The following MYOM1 variants were observed in gnomAD, a reference collection of about 807,000 sequenced individuals.
MYOM1 encodes myomesin-1.
In MYOM1, 164 loss-of-function variants were observed where a neutral mutation model predicts 205.3. The ratio of observed to expected loss-of-function variants is 0.80; its 90% CI spans 0.70 to 0.91. The LOEUF is 0.91. Ranked by LOEUF, MYOM1 falls within the 40% of genes least tolerant of loss-of-function variation. MYOM1 has a pLI of 0.00. For missense variants in MYOM1, 2,011 were observed against 2,127.3 expected, an observed-to-expected ratio of 0.95 and a Z score of 1.08; for synonymous variants, 772 against 789.4, an observed-to-expected ratio of 0.98 and a Z score of 0.37.
upstream of MYOM1, among the ~76,000 whole-genome samples, chr18:3,222,553 T>C (rs1018198467): frequency 1.2e-4 from 18 of 152,234 alleles, no homozygotes; most frequent in African/African-American, 3.4e-4. Flanking sequence ...GTTCAGTAAA[T>C]ATTTAAATGT....
the MYOM1 span, among the ~76,000 whole-genome samples, chr18:3,231,793 C>T: frequency 9.4e-5 from 14 of 149,616 alleles, no homozygotes; most frequent in Admixed American, 1.3e-4. Context: ...CTGCCAGCCT[C>T]GGCCTCCCAA....
chr18:3,130,285 C>T (rs1237321407), intron 17 of MYOM1, among the ~76,000 whole-genome samples: 6 of 152,050 alleles, frequency 3.9e-5, no homozygotes, highest in Non-Finnish European at 7.4e-5. Flanking sequence ...TCAAGTGATC[C>T]ACCCGCCTTA....
chr18:3,206,551 C>T (rs904133747), intron 2 of MYOM1, among the ~76,000 whole-genome samples: 1 of 152,190 alleles, frequency 6.6e-6, no homozygotes, highest in Admixed American at 6.5e-5. Context: ...ACAATTTCCT[C>T]TTCGCAAAAC....
chr18:3,189,125 T>G lies in MYOM1; in HGVS notation c.432-38A>C. 1 of 1,574,946 alleles carries G rather than the reference T, an allele frequency of 6.3e-7. No individual in the cohort carries two copies. On this transcript the variant is annotated intron_variant, in intron 3 of 37. Coordinates refer to ENST00000356443, the MANE Select transcript of MYOM1 (RefSeq NM_003803.4). The surrounding 1 kb of genome is among the most constrained non-coding windows in gnomAD (Gnocchi z 4.8). Reference sequence around the variant, plus strand: ...AATGGCAAAATGTAGATGTTGTGGATGGCAGTGATAAGATTGAGTAATTTT... The same window carrying G: ...AATGGCAAAATGTAGATGTTGTGGAGGGCAGTGATAAGATTGAGTAATTTT...
upstream of MYOM1, among the ~76,000 whole-genome samples, chr18:3,220,355 A>AG (rs2081317428): frequency 1.3e-5 from 2 of 152,222 alleles, no homozygotes; most frequent in African/African-American, 4.8e-5. Flanking sequence ...ATACAATGTG[A>AG]AAAAAGAACT....
the MYOM1 span, among the ~76,000 whole-genome samples, chr18:3,225,066 C>T: frequency 6.6e-6 from 1 of 152,198 alleles, no homozygotes; most frequent in Non-Finnish European, 1.5e-5. Flanking sequence ...CAGCTCACTG[C>T]AAGCTCCACC....
At chr18:3,164,178 C>T in intron 10 of MYOM1, 100 bp downstream of exon 10, 1 of 1,298,774 alleles carries the variant, frequency 7.7e-7, no homozygotes, top group Non-Finnish European at 1.1e-6. Context: ...ATGACTCTTC[C>T]ATCATTATGA....
the MYOM1 span, among the ~76,000 whole-genome samples, chr18:3,234,819 A>T: frequency 6.6e-6 from 1 of 151,840 alleles, no homozygotes; most frequent in Non-Finnish European, 1.5e-5. Flanking sequence ...TACAGATTTT[A>T]TATATTTTAT....
Position 3,089,158 on chromosome 18 carries a change from T to A in MYOM1, c.4137+16A>T, listed in dbSNP as rs533330335. On this transcript the variant is annotated intron_variant, in intron 29 of 37. Coordinates refer to ENST00000356443, the MANE Select transcript of MYOM1 (RefSeq NM_003803.4). The stretch of plus-strand genomic sequence containing the variant: ...TTTCCCTTGAATCAAATATTAAAAA[T>A]TTATCTACCTCTTACCTTGCATTTC... The A allele has an allele frequency of 9.1e-5, 144 of 1,576,998 alleles. No homozygotes were observed. The highest frequency in any genetic ancestry group is 6.7e-4 in the Middle Eastern group (4 of 5,972).
At chr18:3,150,209 G>A (rs191598785) in intron 12 of MYOM1, among the ~76,000 whole-genome samples, 4 of 152,130 alleles carry the variant, frequency 2.6e-5, no homozygotes, top group East Asian at 3.9e-4. Context: ...ACAGGCGCCC[G>A]CCACCACGCC....
chr18:3,173,573 C>CGTGT (rs71159051), intron 8 of MYOM1, among the ~76,000 whole-genome samples: 6,288 of 136,908 alleles, frequency 0.046, 183 homozygotes, highest in Admixed American at 0.095. Context: ...AGTCCAGACT[C>CGTGT]GTGTGTGTGT....
chr18:3,082,028 C>G (rs1257398976), intron 33 of MYOM1, among the ~76,000 whole-genome samples: 2 of 152,222 alleles, frequency 1.3e-5, no homozygotes, highest in Non-Finnish European at 2.9e-5. Context: ...AAGCACATAA[C>G]ATTTATCATC....
At chr18:3,164,525 T>A in intron 9 of MYOM1, 86 bp from the exon 10 acceptor site, 13 of 1,254,168 alleles carry the variant, frequency 1.0e-5, no homozygotes, top group Non-Finnish European at 1.4e-5. Flanking sequence ...CTCCTTAGCC[T>A]TTTCTATAAT....
At chr18:3,166,343 T>C (rs1307834185) in intron 9 of MYOM1, among the ~76,000 whole-genome samples, 1 of 149,818 alleles carries the variant, frequency 6.7e-6, no homozygotes, top group Non-Finnish European at 1.5e-5. Context: ...TGATCTCAGC[T>C]CATTGCAACC....
intron 2 of MYOM1, among the ~76,000 whole-genome samples, chr18:3,198,504 G>A (rs2081022269): frequency 6.6e-6 from 1 of 152,180 alleles, no homozygotes; most frequent in Non-Finnish European, 1.5e-5. Context: ...AAAGATTTAT[G>A]GCCAGGCGCA....
In MYOM1 at chr18:3,152,352, T is replaced by C. The variant is rs1296512472; in HGVS notation, c.1644-459A>G. Among the ~76,000 whole-genome samples, 1 of 152,232 alleles carries C rather than the reference T, an allele frequency of 6.6e-6. No homozygotes were observed. Among genetic ancestry groups the C allele is most frequent in the Non-Finnish European group, 1.5e-5 (1 of 68,038 alleles). ...TCTTAAAACCTAACTATTTGCACTG[T>C]AGTTTGGAAAAGAGTTCACCATATT... On this transcript the variant is annotated intron_variant, in intron 11 of 37. Coordinates refer to ENST00000356443, the MANE Select transcript of MYOM1 (RefSeq NM_003803.4). The surrounding 1 kb of genome is among the most constrained non-coding windows in gnomAD (Gnocchi z 4.3).
intron 18 of MYOM1, among the ~76,000 whole-genome samples, 173 bp from the exon 19 acceptor site, chr18:3,127,070 T>C (rs1434051093): frequency 1.3e-5 from 2 of 152,004 alleles, no homozygotes; most frequent in African/African-American, 4.8e-5. Flanking sequence ...CAGTAAAAAG[T>C]ACACTACAAT....
chr18:3,194,119 A>G lies in MYOM1; in HGVS notation c.291-161T>C, dbSNP rs2080960043. Among the ~76,000 whole-genome samples, 3 of 152,248 alleles carry G rather than the reference A, an allele frequency of 2.0e-5. No homozygotes were observed. The South Asian group carries it at 6.2e-4, about 31-fold the overall frequency. On this transcript the variant is annotated intron_variant, in intron 2 of 37. Coordinates refer to ENST00000356443, the MANE Select transcript of MYOM1 (RefSeq NM_003803.4). Reference sequence around the variant, plus strand: ...TTAGAATTAAAGTAGAGTTAGAAAGATTTCAAATAATGGATTCTATATAGA... The same window carrying G: ...TTAGAATTAAAGTAGAGTTAGAAAGGTTTCAAATAATGGATTCTATATAGA...
intron 22 of MYOM1, among the ~76,000 whole-genome samples, chr18:3,106,798 G>C (rs1000594408): frequency 9.2e-5 from 14 of 152,272 alleles, no homozygotes; most frequent in African/African-American, 2.4e-4. Context: ...ACTCCAGCCT[G>C]GGTGACAAAA....
Sources: gnomAD v4.1 joint callset for allele counts (sites outside exome capture counted in the v4.1 genomes callset) on GRCh38, gnomAD v4.1.1 for gene constraint, Gnocchi (gnomAD v3.1) non-coding constraint, MANE v1.5 for transcripts, NCBI Gene and HGNC (gene_info 2026-07-23, HGNC 2026-07-21) for gene names.